SIAE: variants seen among roughly 807,000 people sequenced by gnomAD.
The protein encoded by SIAE is sialic acid acetylesterase.
In SIAE, 39 loss-of-function variants were observed where a neutral mutation model predicts 52.6. The observed-to-expected ratio is 0.74, with a 90% confidence interval of 0.57 to 0.97. The LOEUF is 0.97. Ranked by LOEUF, SIAE falls within the 50% of genes least tolerant of loss-of-function variation. The probability of loss-of-function intolerance (pLI) is 0.00; values close to 1 mark genes in which losing one functional copy is unlikely to be tolerated. For missense variants in SIAE, 592 were observed against 662.1 expected (o/e 0.89, Z 1.16); for synonymous variants, 233 against 241.4 (o/e 0.97, Z 0.32).
chr11:124,650,674 G>T (rs990361379), intron 4 of SIAE, among the ~76,000 whole-genome samples: 21 of 152,148 alleles, frequency 1.4e-4, no homozygotes, highest in African/African-American at 4.8e-4. Context: ...TCGGGAGGCT[G>T]AGGCAGGAGA....
At chr11:124,672,882 A>C (rs558701931) in intron 1 of SIAE, among the ~76,000 whole-genome samples, 1 of 152,228 alleles carries the variant, frequency 6.6e-6, no homozygotes, top group South Asian at 2.1e-4. Context: ...CCACTCTTTG[A>C]GTGTTTTGAA....
intron 8 of SIAE, 78 bp downstream of exon 8, chr11:124,639,632 C>T (rs1253510486): frequency 2.5e-6 from 4 of 1,588,918 alleles, no homozygotes; most frequent in Admixed American, 3.3e-5. Context: ...AGTCTAATTG[C>T]CCCTCACCGG....
intron 6 of SIAE, 105 bp from the exon 7 acceptor site, chr11:124,647,603 G>T: frequency 7.3e-7 from 1 of 1,376,762 alleles, no homozygotes; most frequent in Non-Finnish European, 1.0e-6. Flanking sequence ...GTCTTCCCAC[G>T]GTCTCTCTGG....
intron 7 of SIAE, 136 bp from the exon 8 acceptor site, chr11:124,640,003 GT>G (rs1942818984): frequency 1.9e-6 from 2 of 1,061,194 alleles, no homozygotes; most frequent in Admixed American, 1.9e-5. Context: ...GCTTCTTACT[GT>G]TGTGGCAGTG....
At chr11:124,646,074 G>C (rs776579882) in intron 7 of SIAE, among the ~76,000 whole-genome samples, 1 of 152,112 alleles carries the variant, frequency 6.6e-6, no homozygotes, top group Non-Finnish European at 1.5e-5. Flanking sequence ...CACCTTACTT[G>C]TTTGATTTCT....
At chr11:124,669,084 C>A (rs773026632) in intron 2 of SIAE, among the ~76,000 whole-genome samples, 1 of 152,216 alleles carries the variant, frequency 6.6e-6, no homozygotes, top group Non-Finnish European at 1.5e-5. Flanking sequence ...CATGTACCTT[C>A]ATCATAGCAT....
rs1943272598 is a variant in SIAE, at chr11:124,666,293, T to C, written c.229+3067A>G. On this transcript the variant is annotated intron_variant, in intron 2 of 9. Coordinates refer to ENST00000263593, the MANE Select transcript of SIAE (RefSeq NM_170601.5). ...CAAATTGAGGTAATGTGGCTGAAAA[T>C]CTCAGAGTCCTCATTAAAATCTAAA... is the stretch of plus-strand genomic sequence containing the variant. Among the ~76,000 whole-genome samples, 6 of 152,088 alleles carry C rather than the reference T, an allele frequency of 3.9e-5. 1 individual carries two copies. The South Asian group carries it at 1.2e-3, about 32-fold the overall frequency.
chr11:124,675,295 C>A (rs149627407), upstream of SIAE: 30,035 of 1,613,992 alleles, frequency 0.019, 333 homozygotes, highest in Non-Finnish European at 0.021. Flanking sequence ...CACCCACTAC[C>A]GAATTCCACA....
At chr11:124,654,923 T>C (rs1057274188) in intron 3 of SIAE, 130 bp from the exon 4 acceptor site, 7 of 1,000,136 alleles carry the variant, frequency 7.0e-6, no homozygotes, top group Middle Eastern at 3.0e-4. Context: ...CCAAAACCAA[T>C]GGGCTGCACT....
At position 124,634,000 on chromosome 11, in the gene SIAE, T is replaced by C. The variant is rs1248306857; in HGVS notation, c.*2951A>G. On this transcript the variant is annotated 3_prime_UTR_variant, in exon 10 of 10. Transcript: ENST00000263593. Reference sequence around the variant, plus strand: ...TGTGTACGTATACCACATATACATATACTTGTATGAAGATATGTGTAAAAT... The same window carrying C: ...TGTGTACGTATACCACATATACATACACTTGTATGAAGATATGTGTAAAAT... The C allele has an allele frequency of 3.3e-5, 5 of 152,270 alleles. No homozygotes were observed. The highest frequency in any genetic ancestry group is 1.2e-4 in the African/African-American group (5 of 41,476). The allele number at this position is 152,270 out of a possible 1,614,324, so 9.4% of individuals were successfully genotyped here.
chr11:124,637,576 C>A (rs1481385530), intron 9 of SIAE, among the ~76,000 whole-genome samples: 1 of 152,172 alleles, frequency 6.6e-6, no homozygotes, highest in African/African-American at 2.4e-5. Context: ...TGCTGCTGCT[C>A]CGCTCTGGCA....
chr11:124,635,104 T>C lies in SIAE; in HGVS notation c.*1847A>G, dbSNP rs1315866266. ...TCTAGGTTCCTGGAGGTGAAAGGAA[T>C]CTGGACTTAGAGTTCTTGGCTACCT... On this transcript the variant is annotated 3_prime_UTR_variant, in exon 10 of 10. Coordinates refer to ENST00000263593, the MANE Select transcript of SIAE (RefSeq NM_170601.5). The C allele has an allele frequency of 6.6e-6, 1 of 152,208 alleles. No individual in the cohort carries two copies. Among genetic ancestry groups the C allele is most frequent in the Non-Finnish European group, 1.5e-5 (1 of 68,038 alleles). 9.4% of individuals were successfully genotyped at this position (152,208 alleles called of 1,614,324 possible). A position where few individuals can be genotyped will look rare whatever the true frequency, so the allele number is the denominator to read the frequency against.
At chr11:124,654,929 G>T in intron 3 of SIAE, 136 bp from the exon 4 acceptor site, 1 of 960,588 alleles carries the variant, frequency 1.0e-6, no homozygotes, top group Non-Finnish European at 1.7e-6. Flanking sequence ...CCAATGGGCT[G>T]CACTGAATCA....
intron 2 of SIAE, among the ~76,000 whole-genome samples, chr11:124,662,347 C>G (rs1943197595): frequency 6.6e-6 from 1 of 152,188 alleles, no homozygotes; most frequent in Non-Finnish European, 1.5e-5. Context: ...TCCAGGCTTG[C>G]CAAGGTCTTT....
chr11:124,643,211 G>C (rs373862670), intron 7 of SIAE, among the ~76,000 whole-genome samples: 1 of 152,250 alleles, frequency 6.6e-6, no homozygotes, highest in Non-Finnish European at 1.5e-5. Flanking sequence ...CAGGACGGGA[G>C]TATGCCTAGC....
At position 124,670,316 on chromosome 11, in the gene SIAE, TAG is replaced by T. The variant is rs1431842134; in HGVS notation, c.68-797_68-796del. On this transcript the variant is annotated intron_variant, in intron 1 of 9. Transcript: ENST00000263593. This position sits in a 1 kb window ranked among gnomAD's most constrained non-coding sequence, Gnocchi z 4.5. ...GCACACTAGAAACTGGATTCTATTCTAGAGAGTCACTAACAAGACTGAATAAG... is the reference window on the plus strand; with the variant it reads ...GCACACTAGAAACTGGATTCTATTCTAGAGTCACTAACAAGACTGAATAAG... 2.6e-5 allele frequency among the ~76,000 whole-genome samples: 4 copies of T among 152,234 alleles called. No individual in the cohort carries two copies. The highest frequency in any genetic ancestry group is 5.9e-5 in the Non-Finnish European group (4 of 68,042).
At chr11:124,640,435 G>A (rs1310152684) in intron 7 of SIAE, among the ~76,000 whole-genome samples, 1 of 152,186 alleles carries the variant, frequency 6.6e-6, no homozygotes, top group Non-Finnish European at 1.5e-5. Flanking sequence ...GGGCAGAAAT[G>A]AGCCATCCCA....
upstream of SIAE, chr11:124,675,593 T>G: frequency 3.3e-6 from 2 of 608,188 alleles, no homozygotes; most frequent in Non-Finnish European, 5.4e-6. Flanking sequence ...TTCTCTTAAA[T>G]TCGTTTCATA....
intron 2 of SIAE, among the ~76,000 whole-genome samples, chr11:124,664,325 G>A (rs113157581): frequency 0.11 from 16,205 of 151,608 alleles, 2,781 homozygotes; most frequent in African/African-American, 0.36. Flanking sequence ...TCTGCCTCCC[G>A]GGTTCAAGCA....
Sources: allele counts gnomAD v4.1 joint callset (sites outside exome capture counted in the v4.1 genomes callset), GRCh38; gene constraint gnomAD v4.1.1; non-coding constraint Gnocchi (gnomAD v3.1); transcripts MANE v1.5; gene names NCBI Gene and HGNC (gene_info 2026-07-23, HGNC 2026-07-21).